Variants in EPB41L1 observed in about 807,000 individuals in gnomAD.
EPB41L1 encodes the protein erythrocyte membrane protein band 4.1 like 1, also known as band 4.1-like protein 1.
A neutral mutation model predicts 97.8 loss-of-function variants in EPB41L1; 29 were observed. That is an observed-to-expected ratio of 0.30 (90% CI 0.22 to 0.40). EPB41L1 has a LOEUF of 0.40. Among genes scored for constraint, EPB41L1 ranks in the 10% least tolerant of loss-of-function variants. The probability of loss-of-function intolerance (pLI) is 1.00; values close to 1 mark genes in which losing one functional copy is unlikely to be tolerated. For missense variants in EPB41L1, 812 were observed against 1,162.3 expected (o/e 0.70, Z 4.38); for synonymous variants, 383 against 459.2 (o/e 0.83, Z 2.12).
rs775570032 is a variant in EPB41L1, at chr20:36,190,824, G to A, written c.1300+27G>A. The A allele has an allele frequency of 1.7e-5, 28 of 1,610,932 alleles. No individual in the cohort carries two copies. Among genetic ancestry groups the A allele is most frequent in the South Asian group, 1.3e-4 (12 of 90,988 alleles). ...TATGGCCCAAATTGGAGGGCTGGGC[G>A]GGGAATGGTCTTCAGAGGGAACTGG... On this transcript the variant is annotated intron_variant, in intron 11 of 21. Coordinates refer to ENST00000338074, the MANE Select transcript of EPB41L1 (RefSeq NM_012156.2). This position sits in a 1 kb window ranked among gnomAD's most constrained non-coding sequence, Gnocchi z 5.8.
rs552644673 is a variant in EPB41L1 at position 36,208,347 on chromosome 20, TAGC to T, written c.1669-1137_1669-1135del. On this transcript the variant is annotated intron_variant, in intron 14 of 21. Transcript: ENST00000338074. Reference sequence around the variant, plus strand: ...AGGGAAGAGAAGCGCTCCACCAACTTAGCAGCCAACACCCCTGGGAAGGGGGGG... The same window carrying T: ...AGGGAAGAGAAGCGCTCCACCAACTTAGCCAACACCCCTGGGAAGGGGGGG... 80 of 452,424 alleles carry T rather than the reference TAGC, an allele frequency of 1.8e-4. 1 individual carries two copies. The highest frequency in any genetic ancestry group is 1.2e-3 in the South Asian group (79 of 63,844). The allele number at this position is 452,424 out of a possible 1,614,324, so 28.0% of individuals were successfully genotyped here. A position where few individuals can be genotyped will look rare whatever the true frequency, so the allele number is the denominator to read the frequency against.
At chr20:36,146,624 G>C (rs1400115684) in intron 2 of EPB41L1, among the ~76,000 whole-genome samples, 1 of 152,192 alleles carries the variant, frequency 6.6e-6, no homozygotes, top group South Asian at 2.1e-4. Context: ...TCTGGTCCCT[G>C]CAGATGGATG....
chr20:36,162,596 C>T (rs1009138251), intron 1 of EPB41L1, among the ~76,000 whole-genome samples: 4 of 152,182 alleles, frequency 2.6e-5, no homozygotes, highest in Admixed American at 2.6e-4. Flanking sequence ...CGGAGGATAC[C>T]CTGCTAACGG....
chr20:36,138,581 C>T (rs1330304046), intron 2 of EPB41L1, among the ~76,000 whole-genome samples: 1 of 152,122 alleles, frequency 6.6e-6, no homozygotes, highest in Non-Finnish European at 1.5e-5. Flanking sequence ...TTTAAAGCCA[C>T]TATTTATTGC....
intron 1 of EPB41L1, chr20:36,155,771 G>A: frequency 2.5e-6 from 1 of 397,706 alleles, no homozygotes; most frequent in South Asian, 1.8e-5. Context: ...GGGGGAGAGA[G>A]CACCACGTGT....
In EPB41L1 at chr20:36,212,376, G is replaced by C. The variant is rs1478498162; in HGVS notation, c.2184G>C (p.Gln728His). 1 of 1,613,922 alleles carries C rather than the reference G, an allele frequency of 6.2e-7. No homozygotes were observed. The highest frequency in any genetic ancestry group is 1.7e-5 in the Admixed American group (1 of 60,030). ...QTRVSAMDNT[Q>H]QVDGSASVGR... ...GAGTCTCCGCTATGGATAACACCCAGGTAACTTGTGCCTTCCAATGTACCC... is the reference window on the plus strand; with the variant it reads ...GAGTCTCCGCTATGGATAACACCCACGTAACTTGTGCCTTCCAATGTACCC... Residue 728 changes from glutamine (Q) to histidine (H), a missense_variant and splice_region_variant, in exon 16 of 22, where the codon CAG (glutamine) becomes CAC (histidine). By Grantham distance (24) the Gln-to-His change is conservative (BLOSUM62 0). Coordinates refer to ENST00000338074, the MANE Select transcript of EPB41L1 (RefSeq NM_012156.2). The surrounding 1 kb of genome is among the most constrained non-coding windows in gnomAD (Gnocchi z 4.8).
At chr20:36,168,536 C>CT (rs540248862) in intron 1 of EPB41L1, among the ~76,000 whole-genome samples, 94 of 140,770 alleles carry the variant, frequency 6.7e-4, no homozygotes, top group Middle Eastern at 3.6e-3. Context: ...ATGTTAAGTG[C>CT]TTTTTTTTTT....
rs533271124 is a variant in EPB41L1, at chr20:36,192,963, G to A, written c.1301-1249G>A. Among the ~76,000 whole-genome samples the A allele has an allele frequency of 3.3e-5, 5 of 152,336 alleles. No homozygotes were observed. In the South Asian group the frequency reaches 1.0e-3, roughly 32 times the overall value. On this transcript the variant is annotated intron_variant, in intron 11 of 21. Coordinates refer to ENST00000338074, the MANE Select transcript of EPB41L1 (RefSeq NM_012156.2). ...TATATGAAAATGAGACCTGTCTCAG[G>A]ACTCCTGTGCATGTTTGAAAGATGT...
intron 1 of EPB41L1, among the ~76,000 whole-genome samples, chr20:36,103,955 C>G (rs192601781): frequency 6.6e-6 from 1 of 152,128 alleles, no homozygotes; most frequent in African/African-American, 2.4e-5. Flanking sequence ...CTGCCCGCCT[C>G]GGCCTCCCAA....
In EPB41L1 at chr20:36,194,200, C is replaced by T. The variant is rs1444197890; in HGVS notation, c.1301-12C>T. ...TCTCACATGGTTGCCTGGCTATCTCCACCCACTTCAGCAGAGTTCTCCCGC... is the reference window on the plus strand; with the variant it reads ...TCTCACATGGTTGCCTGGCTATCTCTACCCACTTCAGCAGAGTTCTCCCGC... On this transcript the variant is annotated splice_polypyrimidine_tract_variant and intron_variant, in intron 11 of 21. Transcript: ENST00000338074. 7.4e-6 allele frequency: 12 copies of T among 1,613,136 alleles called. No individual in the cohort carries two copies. Among genetic ancestry groups the T allele is most frequent in the Non-Finnish European group, 1.0e-5 (12 of 1,180,012 alleles).
At chr20:36,202,728 G>C (rs1012040070) in intron 14 of EPB41L1, among the ~76,000 whole-genome samples, 1 of 150,852 alleles carries the variant, frequency 6.6e-6, no homozygotes, top group Admixed American at 6.6e-5. Flanking sequence ...CAGGAGAATC[G>C]CTTGAACTCG....
In EPB41L1 at chr20:36,092,373, G is replaced by A. The variant is rs1372527493; in HGVS notation, c.-65+761G>A. 6.6e-6 allele frequency among the ~76,000 whole-genome samples: 1 copy of A among 152,162 alleles called. No homozygotes were observed. Among genetic ancestry groups the A allele is most frequent in the Non-Finnish European group, 1.5e-5 (1 of 68,026 alleles). On this transcript the variant is annotated intron_variant, in intron 1 of 19. Transcript: ENST00000202028. This position sits in a 1 kb window ranked among gnomAD's most constrained non-coding sequence, Gnocchi z 7.0. ...CTCTGAGCCCGCCGCAGCTCAGGTT[G>A]ACGCCGGGCCCACGTGGGGAAGCCG...
At chr20:36,144,153 C>T (rs942737239) in intron 2 of EPB41L1, among the ~76,000 whole-genome samples, 1 of 152,092 alleles carries the variant, frequency 6.6e-6, no homozygotes, top group Admixed American at 6.6e-5. Flanking sequence ...GCGCCCAGCC[C>T]CCTAAAAGGT....
intron 1 of EPB41L1, among the ~76,000 whole-genome samples, chr20:36,165,288 A>G (rs970981289): frequency 6.6e-6 from 1 of 150,952 alleles, no homozygotes; most frequent in African/African-American, 2.4e-5. Flanking sequence ...GGCCCAGGAC[A>G]TTAACTTTTG....
chr20:36,227,134 A>G (rs887348162), intron 21 of EPB41L1, among the ~76,000 whole-genome samples: 6 of 152,020 alleles, frequency 3.9e-5, no homozygotes, highest in Non-Finnish European at 7.4e-5. Flanking sequence ...GGCCATCATA[A>G]TGAGACCTTC....
chr20:36,131,114 T>TA (rs2059188882), intron 2 of EPB41L1, among the ~76,000 whole-genome samples: 1 of 152,120 alleles, frequency 6.6e-6, no homozygotes, highest in African/African-American at 2.4e-5. Context: ...TAGCTGGGGT[T>TA]ACAGGCATGT....
At chr20:36,179,836 G>A (rs1245767488) in intron 5 of EPB41L1, among the ~76,000 whole-genome samples, 3 of 152,244 alleles carry the variant, frequency 2.0e-5, no homozygotes, top group East Asian at 1.9e-4. Flanking sequence ...TGGAGACAAA[G>A]AGGCAGGCAC....
At chr20:36,205,761 T>G in intron 14 of EPB41L1, 1 of 1,183,454 alleles carries the variant, frequency 8.4e-7, no homozygotes, top group Non-Finnish European at 1.1e-6. Context: ...AGTGGTAGAT[T>G]GGTCCCCTCT....
chr20:36,103,397 G>C (rs992905628), intron 1 of EPB41L1, among the ~76,000 whole-genome samples: 1 of 152,156 alleles, frequency 6.6e-6, no homozygotes, highest in Non-Finnish European at 1.5e-5. Flanking sequence ...GTTTCTCACA[G>C]GGCCCCTCCC....
Sources: allele counts gnomAD v4.1 joint callset (sites outside exome capture counted in the v4.1 genomes callset), GRCh38; gene constraint gnomAD v4.1.1; non-coding constraint Gnocchi (gnomAD v3.1); transcripts MANE v1.5; gene names NCBI Gene and HGNC (gene_info 2026-07-23, HGNC 2026-07-21).